HIRA: variants seen among roughly 807,000 people sequenced by gnomAD.
HIRA encodes protein HIRA.
HIRA carries 13 observed loss-of-function variants against 126.6 expected under a neutral mutation model. The ratio of observed to expected loss-of-function variants is 0.10; its 90% CI spans 0.07 to 0.16. The LOEUF (loss-of-function observed/expected upper bound fraction) is 0.16, where lower values mean the gene tolerates loss of function less well. Among genes scored for constraint, HIRA ranks in the 10% least tolerant of loss-of-function variants. The pLI, the probability that HIRA is intolerant of heterozygous loss-of-function variation, is 1.00. For missense variants in HIRA, 834 were observed against 1,314.4 expected, an observed-to-expected ratio of 0.63 and a Z score of 5.65; for synonymous variants, 511 against 520.0, an observed-to-expected ratio of 0.98 and a Z score of 0.24.
intron 5 of HIRA, among the ~76,000 whole-genome samples, chr22:19,401,737 A>T (rs543389969): frequency 6.6e-6 from 1 of 151,932 alleles, no homozygotes; most frequent in Non-Finnish European, 1.5e-5. Flanking sequence ...GCCTCTGATC[A>T]CTTCTCACCA....
In HIRA at chr22:19,396,876, T is replaced by C. The variant is rs765742394; in HGVS notation, c.565A>G (p.Ile189Val). The C allele has an allele frequency of 1.2e-6, 2 of 1,614,184 alleles. No individual in the cohort carries two copies. Among genetic ancestry groups the C allele is most frequent in the Non-Finnish European group, 1.7e-6 (2 of 1,179,994 alleles). The change falls in exon 7 of 25, where the codon ATA becomes GTA. Residue 189 changes from isoleucine (I) to valine (V), a missense_variant. Transcript: ENST00000263208. ...GLTWDPVGKY[I>V]ASQADDRSLK... is the part of the protein sequence containing the mutation. Reference sequence around the variant, plus strand: ...CTGCGGTCATCAGCTTGAGAAGCTATGTATTTACCAACAGGGTCCCATGTC... The same window carrying C: ...CTGCGGTCATCAGCTTGAGAAGCTACGTATTTACCAACAGGGTCCCATGTC...
At chr22:19,391,982 C>G (rs2089186839) in intron 9 of HIRA, 119 bp downstream of exon 9, 1 of 506,892 alleles carries the variant, frequency 2.0e-6, no homozygotes, top group Admixed American at 3.4e-5. Flanking sequence ...GGGCTGACCC[C>G]AGGTGCAGAA....
At position 19,357,531 on chromosome 22, in the gene HIRA, G is replaced by A. The variant is rs558437998; in HGVS notation, c.2235-480C>T. Among the ~76,000 whole-genome samples the A allele has an allele frequency of 2.0e-5, 3 of 152,342 alleles. No individual in the cohort carries two copies. The East Asian group carries it at 5.8e-4, about 29-fold the overall frequency. On this transcript the variant is annotated intron_variant, in intron 18 of 24. Coordinates refer to ENST00000263208, the MANE Select transcript of HIRA (RefSeq NM_003325.4). ...GGGCTGTCTGGCTGGCGTGGGAGATGTGTGTCGCTCCCAAACAAGGAGTGC... is the reference window on the plus strand; with the variant it reads ...GGGCTGTCTGGCTGGCGTGGGAGATATGTGTCGCTCCCAAACAAGGAGTGC...
chr22:19,418,854 T>G (rs770051742), intron 1 of HIRA, among the ~76,000 whole-genome samples: 7 of 152,094 alleles, frequency 4.6e-5, no homozygotes, highest in Non-Finnish European at 7.3e-5. Flanking sequence ...GAAACTGGAC[T>G]AAGTCCAGAA....
chr22:19,334,076 A>G (rs374409760), intron 24 of HIRA, among the ~76,000 whole-genome samples: 7 of 150,474 alleles, frequency 4.7e-5, no homozygotes, highest in South Asian at 2.1e-4. Context: ...CTGGGTTCAC[A>G]CCATTCTCCT....
At chr22:19,350,636 T>C (rs2088745932) in intron 24 of HIRA, among the ~76,000 whole-genome samples, 1 of 152,120 alleles carries the variant, frequency 6.6e-6, no homozygotes, top group Non-Finnish European at 1.5e-5. Flanking sequence ...TTACAGAAGA[T>C]ACTCCCTGAC....
intron 24 of HIRA, among the ~76,000 whole-genome samples, chr22:19,345,475 G>A (rs2088675819): frequency 6.6e-6 from 1 of 152,132 alleles, no homozygotes; most frequent in Non-Finnish European, 1.5e-5. Flanking sequence ...CACCTCTCTG[G>A]CCACTGCCAC....
intron 1 of HIRA, among the ~76,000 whole-genome samples, chr22:19,413,853 G>A (rs1296006183): frequency 1.3e-5 from 2 of 151,826 alleles, no homozygotes; most frequent in South Asian, 2.1e-4. Flanking sequence ...CTCATGATCC[G>A]ACCACCTCAG....
At chr22:19,402,738 C>T (rs149835207) in intron 5 of HIRA, among the ~76,000 whole-genome samples, 79 of 152,176 alleles carry the variant, frequency 5.2e-4, no homozygotes, top group African/African-American at 1.8e-3. Context: ...TGATATAAAC[C>T]GCAACCAGGC....
intron 24 of HIRA, among the ~76,000 whole-genome samples, chr22:19,346,997 C>T (rs1195259498): frequency 1.1e-4 from 16 of 152,184 alleles, no homozygotes; most frequent in African/African-American, 1.7e-4. Context: ...TATACCACCA[C>T]GGCCCAGAGT....
chr22:19,420,741 A>C (rs2089440102), intron 1 of HIRA, among the ~76,000 whole-genome samples: 1 of 152,142 alleles, frequency 6.6e-6, no homozygotes, highest in African/African-American at 2.4e-5. Context: ...CTGCAAGGGT[A>C]CAATGTATAT....
At chr22:19,370,686 C>T (rs1373085790) in intron 15 of HIRA, among the ~76,000 whole-genome samples, 1 of 152,146 alleles carries the variant, frequency 6.6e-6, no homozygotes, top group Non-Finnish European at 1.5e-5. Context: ...TTTCATTTTC[C>T]TCATATAAGG....
At chr22:19,333,726 A>G (rs2088523348) in intron 24 of HIRA, among the ~76,000 whole-genome samples, 1 of 152,154 alleles carries the variant, frequency 6.6e-6, no homozygotes, top group Admixed American at 6.5e-5. Context: ...ATTCATGGGT[A>G]TACTTGGATG....
chr22:19,344,695 T>A (rs1323207628), intron 24 of HIRA, among the ~76,000 whole-genome samples: 2 of 152,122 alleles, frequency 1.3e-5, no homozygotes, highest in Non-Finnish European at 2.9e-5. Flanking sequence ...AACTATTAGA[T>A]CAATATCCTT....
chr22:19,350,024 A>G (rs1361369031), intron 24 of HIRA, among the ~76,000 whole-genome samples: 10 of 144,282 alleles, frequency 6.9e-5, no homozygotes, highest in Non-Finnish European at 1.5e-4. Context: ...GTCTCGCTCT[A>G]TTGCCCAGAC....
At chr22:19,431,305 C>T in intron 1 of HIRA, 135 bp downstream of exon 1, 2 of 1,000,184 alleles carry the variant, frequency 2.0e-6, no homozygotes, top group Non-Finnish European at 3.0e-6. Context: ...AGTCCGCTCC[C>T]GCCGGCTTCT....
At chr22:19,426,317 C>T (rs923282452) in intron 1 of HIRA, among the ~76,000 whole-genome samples, 1 of 152,206 alleles carries the variant, frequency 6.6e-6, no homozygotes, top group African/African-American at 2.4e-5. Context: ...AAGCTGCTGG[C>T]AAGGCTCTGC....
intron 10 of HIRA, 108 bp from the exon 11 acceptor site, chr22:19,387,924 GA>G (rs1198219612): frequency 2.2e-4 from 62 of 279,438 alleles, no homozygotes; most frequent in African/African-American, 9.1e-4. Context: ...GGAGATGCTG[GA>G]AACTCCTGGT....
chr22:19,425,538 G>A (rs1275774120), intron 1 of HIRA, among the ~76,000 whole-genome samples: 2 of 152,128 alleles, frequency 1.3e-5, no homozygotes, highest in African/African-American at 2.4e-5. Flanking sequence ...AAGGCCAGAC[G>A]CTCCTCAGAA....
Sources: gnomAD v4.1 joint callset for allele counts (sites outside exome capture counted in the v4.1 genomes callset) on GRCh38, gnomAD v4.1.1 for gene constraint, MANE v1.5 for transcripts, NCBI Gene and HGNC (gene_info 2026-07-23, HGNC 2026-07-21) for gene names.